POLR3B: variants seen among roughly 807,000 people sequenced by gnomAD.
POLR3B encodes the protein DNA-directed RNA polymerase III subunit RPC2.
A neutral mutation model predicts 147.4 loss-of-function variants in POLR3B; 96 were observed. That is an observed-to-expected ratio of 0.65 (90% confidence interval 0.55 to 0.77). The LOEUF (loss-of-function observed/expected upper bound fraction) is 0.77. Ranked by LOEUF, POLR3B falls within the 30% of genes least tolerant of loss-of-function variation. The pLI, the probability that POLR3B is intolerant of heterozygous loss-of-function variation, is 0.00. For synonymous variants in POLR3B, 461 were observed against 485.9 expected (o/e 0.95, Z 0.67); for missense variants, 1,036 against 1,413.5 (o/e 0.73, Z 4.28).
Position 106,510,086 on chromosome 12 carries a change from T to C in POLR3B, c.*537T>C, listed in dbSNP as rs1020805425. 3.5e-5 allele frequency: 6 copies of C among 172,376 alleles called. No individual in the cohort carries two copies. The highest frequency in any genetic ancestry group is 1.4e-4 in the African/African-American group (6 of 41,820). The allele number at this position is 172,376 out of a possible 1,614,324, so 10.7% of individuals were successfully genotyped here. A position where few individuals can be genotyped will look rare whatever the true frequency, so the allele number is the denominator to read the frequency against. On this transcript the variant is annotated 3_prime_UTR_variant, in exon 28 of 28. Coordinates refer to ENST00000228347, the MANE Select transcript of POLR3B (RefSeq NM_018082.6). ...TAGTCTTGGTGAAATATAATGAATT[T>C]GTTCCTACCTTGTCAAGCAAGAATG...
At chr12:106,457,617 G>A (rs536879994) in intron 21 of POLR3B, among the ~76,000 whole-genome samples, 8 of 152,260 alleles carry the variant, frequency 5.3e-5, no homozygotes, top group African/African-American at 1.7e-4. Context: ...TACACATTTA[G>A]CTTACAGACT....
chr12:106,378,926 GA>G (rs1246693884), intron 8 of POLR3B, among the ~76,000 whole-genome samples: 1 of 152,164 alleles, frequency 6.6e-6, no homozygotes, highest in Non-Finnish European at 1.5e-5. Context: ...TTGAAATATG[GA>G]GGTTAATGAG....
intron 2 of POLR3B, 32 bp from the exon 3 acceptor site, chr12:106,366,484 A>G (rs567829877): frequency 1.5e-5 from 23 of 1,510,010 alleles, no homozygotes; most frequent in Non-Finnish European, 2.0e-5. Context: ...CACTTTTGCT[A>G]ACCTGTTTAC....
At chr12:106,412,383 C>T (rs2037239975) in intron 12 of POLR3B, among the ~76,000 whole-genome samples, 1 of 152,162 alleles carries the variant, frequency 6.6e-6, no homozygotes, top group African/African-American at 2.4e-5. Flanking sequence ...CACTTACATT[C>T]TAGCTGTTGA....
chr12:106,360,487 A>G (rs1222294807), intron 1 of POLR3B, among the ~76,000 whole-genome samples: 4 of 152,170 alleles, frequency 2.6e-5, no homozygotes, highest in African/African-American at 9.7e-5. Flanking sequence ...GCCTTTCCTG[A>G]TTCTCCCAGA....
At chr12:106,370,040 A>T (rs1593001930) in intron 6 of POLR3B, among the ~76,000 whole-genome samples, 1 of 152,262 alleles carries the variant, frequency 6.6e-6, no homozygotes, top group Non-Finnish European at 1.5e-5. Context: ...TTTCTCATCT[A>T]CAAGTATTTA....
At chr12:106,418,447 T>G (rs746704471) in intron 12 of POLR3B, among the ~76,000 whole-genome samples, 1 of 152,176 alleles carries the variant, frequency 6.6e-6, no homozygotes. Flanking sequence ...GTCTTTAATT[T>G]TGCAACCAGT....
intron 18 of POLR3B, among the ~76,000 whole-genome samples, chr12:106,440,134 T>A (rs2037630077): frequency 6.6e-6 from 1 of 152,210 alleles, no homozygotes; most frequent in Non-Finnish European, 1.5e-5. Context: ...AAATGACAGT[T>A]CCATCGTTGT....
At chr12:106,458,538 C>G (rs888478144) in intron 21 of POLR3B, among the ~76,000 whole-genome samples, 2 of 152,068 alleles carry the variant, frequency 1.3e-5, no homozygotes, top group African/African-American at 4.8e-5. Context: ...GACCTGGTAC[C>G]AGGAGCTGTG....
chr12:106,450,412 G>A (rs1593048079), intron 19 of POLR3B, among the ~76,000 whole-genome samples: 1 of 152,194 alleles, frequency 6.6e-6, no homozygotes, highest in Middle Eastern at 3.4e-3. Context: ...TTAAGAATAT[G>A]AAAATGCAAA....
At chr12:106,370,627 TATTG>T (rs1382247098) in intron 6 of POLR3B, among the ~76,000 whole-genome samples, 3 of 150,566 alleles carry the variant, frequency 2.0e-5, no homozygotes, top group Admixed American at 6.6e-5. Flanking sequence ...TTTTTTGTTT[TATTG>T]TTTTTTTTTT....
intron 1 of POLR3B, 170 bp downstream of exon 1, chr12:106,358,121 T>A: frequency 6.7e-7 from 1 of 1,484,898 alleles, no homozygotes; most frequent in Non-Finnish European, 8.9e-7. Context: ...AGAGCCGGCC[T>A]CCGCGTGCGC....
At chr12:106,416,098 C>A (rs1224275393) in intron 12 of POLR3B, among the ~76,000 whole-genome samples, 1 of 152,100 alleles carries the variant, frequency 6.6e-6, no homozygotes, top group Non-Finnish European at 1.5e-5. Flanking sequence ...TTTGCAAGTT[C>A]AGAAGAAGTT....
At position 106,454,712 on chromosome 12, in the gene POLR3B, G is replaced by A. The variant is rs965079938; in HGVS notation, c.2293+1G>A. ...TTAAACAAGGCCTCTTTAGACAGAG[G>A]TAAGTGAATTTTCAAAACTAACACC... On this transcript the variant is annotated splice_donor_variant, in intron 20 of 27. Coordinates refer to ENST00000228347, the MANE Select transcript of POLR3B (RefSeq NM_018082.6). LOFTEE classifies it high-confidence loss of function. The A allele has an allele frequency of 2.9e-5, 45 of 1,574,520 alleles. No individual in the cohort carries two copies. The highest frequency in any genetic ancestry group is 3.8e-5 in the Non-Finnish European group (43 of 1,144,276).
At chr12:106,385,522 G>A (rs371276291) in intron 9 of POLR3B, among the ~76,000 whole-genome samples, 4 of 152,182 alleles carry the variant, frequency 2.6e-5, no homozygotes, top group Non-Finnish European at 5.9e-5. Flanking sequence ...AACTAAGTTC[G>A]TTGAAACGGA....
intron 12 of POLR3B, among the ~76,000 whole-genome samples, chr12:106,421,047 G>C (rs533561614): frequency 6.6e-6 from 1 of 151,838 alleles, no homozygotes; most frequent in Non-Finnish European, 1.5e-5. Flanking sequence ...TCCATATACC[G>C]TATAATTTCT....
intron 18 of POLR3B, among the ~76,000 whole-genome samples, chr12:106,441,659 A>G (rs2037653224): frequency 6.6e-6 from 1 of 152,188 alleles, no homozygotes; most frequent in South Asian, 2.1e-4. Flanking sequence ...ATCTACCTAC[A>G]CACATTTAGT....
intron 12 of POLR3B, among the ~76,000 whole-genome samples, chr12:106,416,409 T>C (rs541321179): frequency 1.4e-4 from 21 of 152,212 alleles, no homozygotes; most frequent in Non-Finnish European, 2.5e-4. Context: ...GAATCCTCCA[T>C]GTGCCTTCTC....
At chr12:106,487,097 G>A (rs2038351168) in intron 23 of POLR3B, among the ~76,000 whole-genome samples, 2 of 152,202 alleles carry the variant, frequency 1.3e-5, no homozygotes, top group African/African-American at 4.8e-5. Context: ...ACTGCATCAG[G>A]CCTAAAGGAG....
Sources: gnomAD v4.1 joint callset for allele counts (sites outside exome capture counted in the v4.1 genomes callset) on GRCh38, gnomAD v4.1.1 for gene constraint, MANE v1.5 for transcripts, NCBI Gene and HGNC (gene_info 2026-07-23, HGNC 2026-07-21) for gene names.